The following ELAVL4 variants were observed in gnomAD, a reference collection of about 807,000 sequenced individuals.
ELAVL4 encodes ELAV like RNA binding protein 4.
ELAVL4 carries 1 observed loss-of-function variant against 35.6 expected under a neutral mutation model. The observed-to-expected ratio is 0.03, with a 90% confidence interval of 0.01 to 0.13. The LOEUF is 0.13. ELAVL4 is among the 10% of genes least tolerant of loss of function. ELAVL4 has a pLI of 1.00. For missense variants in ELAVL4, 267 were observed against 464.9 expected (o/e 0.57, Z 3.91); for synonymous variants, 156 against 171.0 (o/e 0.91, Z 0.69).
At chr1:50,050,152 G>C (rs1450488418) in intron 1 of ELAVL4, among the ~76,000 whole-genome samples, 1 of 152,188 alleles carries the variant, frequency 6.6e-6, no homozygotes, top group Non-Finnish European at 1.5e-5. Flanking sequence ...ATAGATACAT[G>C]GGGTTAATAC....
chr1:50,140,706 G>A (rs190454320), intron 1 of ELAVL4, among the ~76,000 whole-genome samples: 42 of 152,096 alleles, frequency 2.8e-4, no homozygotes, highest in Middle Eastern at 3.4e-3. Flanking sequence ...TCAGCTTTCA[G>A]ACAGCACACT....
intron 3 of ELAVL4, among the ~76,000 whole-genome samples, chr1:50,186,279 C>T (rs1243212045): frequency 6.6e-6 from 1 of 152,148 alleles, no homozygotes; most frequent in African/African-American, 2.4e-5. Context: ...TGATACATTT[C>T]ATTTCACTTG....
chr1:50,195,822 G>C (rs1296894066), intron 5 of ELAVL4, 36 bp downstream of exon 5: 1 of 1,611,088 alleles, frequency 6.2e-7, no homozygotes, highest in South Asian at 1.1e-5. Context: ...CCCTGCTACA[G>C]GGGTTCATAG....
chr1:50,129,867 T>G (rs151197306), intron 1 of ELAVL4, among the ~76,000 whole-genome samples: 1 of 152,192 alleles, frequency 6.6e-6, no homozygotes, highest in African/African-American at 2.4e-5. Context: ...AAAATGAACA[T>G]GTACTGAGTG....
At chr1:50,172,514 T>C (rs1215808423) in intron 2 of ELAVL4, among the ~76,000 whole-genome samples, 1 of 152,088 alleles carries the variant, frequency 6.6e-6, no homozygotes, top group African/African-American at 2.4e-5. Context: ...ATGGGCCAAA[T>C]TGGGCCACTA....
chr1:50,119,088 G>GAAAGAA (rs201392437), intron 1 of ELAVL4, among the ~76,000 whole-genome samples: 111 of 129,160 alleles, frequency 8.6e-4, no homozygotes, highest in Admixed American at 2.1e-3. Flanking sequence ...AAGAAAGAAA[G>GAAAGAA]AAAGAAAAAG....
chr1:50,066,722 A>T (rs1664281610), intron 1 of ELAVL4, among the ~76,000 whole-genome samples: 1 of 152,146 alleles, frequency 6.6e-6, no homozygotes, highest in East Asian at 1.9e-4. Flanking sequence ...TTTTGGATAC[A>T]CTGAAAATGG....
At chr1:50,089,636 T>A (rs1484051167) in intron 1 of ELAVL4, among the ~76,000 whole-genome samples, 1 of 152,152 alleles carries the variant, frequency 6.6e-6, no homozygotes, top group African/African-American at 2.4e-5. Context: ...GTGTCTGTGG[T>A]CCTGGCTACT....
intron 1 of ELAVL4, among the ~76,000 whole-genome samples, chr1:50,077,394 ACAGT>A (rs1664811476): frequency 6.6e-6 from 1 of 152,202 alleles, no homozygotes. Flanking sequence ...TCACCTTAAG[ACAGT>A]CAGGCAGGAG....
chr1:50,088,492 A>G (rs2148502911), intron 1 of ELAVL4, among the ~76,000 whole-genome samples: 1 of 152,312 alleles, frequency 6.6e-6, no homozygotes, highest in African/African-American at 2.4e-5. Flanking sequence ...AGAGGCTCTC[A>G]TCTTCCCCAC....
At position 50,166,698 on chromosome 1, in the gene ELAVL4, T is replaced by C. The variant is rs910206472; in HGVS notation, c.251-10391T>C. Among the ~76,000 whole-genome samples the C allele has an allele frequency of 3.9e-5, 6 of 152,310 alleles. No homozygotes were observed. The South Asian group carries it at 1.0e-3, about 26-fold the overall frequency. On this transcript the variant is annotated intron_variant, in intron 2 of 6. Transcript: ENST00000371824. ...TCCCATTGACCTTAATCACAGGGCG[T>C]GGTAATACTAAGAGACACCCTAATG...
At chr1:50,195,450 A>C (rs2148885210) in intron 4 of ELAVL4, 111 bp from the exon 5 acceptor site, 5 of 1,186,634 alleles carry the variant, frequency 4.2e-6, no homozygotes, top group Non-Finnish European at 6.1e-6. Flanking sequence ...CAGCCCTGGC[A>C]CCACAGGTGG....
Position 50,108,960 on chromosome 1 carries a change from A to G in ELAVL4, c.-230A>G, listed in dbSNP as rs1307311539. On this transcript the variant is annotated 5_prime_UTR_variant, in exon 1 of 7. Transcript: ENST00000371824. The stretch of plus-strand genomic sequence containing the variant: ...AGGCTCTGTTCAGTTGTTCTTATCT[A>G]CATCCTAGAATCGGGGGTTTCAGCT... The G allele has an allele frequency of 8.1e-7, 1 of 1,232,412 alleles. No homozygotes were observed. Among genetic ancestry groups the G allele is most frequent in the Non-Finnish European group, 1.0e-6 (1 of 986,900 alleles). The allele number at this position is 1,232,412 out of a possible 1,614,324, so 76.3% of individuals were successfully genotyped here.
chr1:50,192,590 C>T (rs1459114886), intron 3 of ELAVL4, among the ~76,000 whole-genome samples: 2 of 148,892 alleles, frequency 1.3e-5, no homozygotes, highest in Non-Finnish European at 3.0e-5. Flanking sequence ...CTTAATAGGT[C>T]TTATGAATCA....
At chr1:50,189,905 G>T (rs957982636) in intron 3 of ELAVL4, among the ~76,000 whole-genome samples, 16 of 152,218 alleles carry the variant, frequency 1.1e-4, no homozygotes, top group African/African-American at 3.9e-4. Context: ...CACAGTCAGG[G>T]ATCATAAGCA....
At chr1:50,175,438 A>G (rs943003209) in intron 2 of ELAVL4, 1 of 151,346 alleles carries the variant, frequency 6.6e-6, no homozygotes, top group African/African-American at 2.4e-5. Context: ...CTCACACACC[A>G]TACTTACACA....
upstream of ELAVL4, among the ~76,000 whole-genome samples, chr1:50,100,832 G>T (rs1010433017): frequency 1.3e-5 from 2 of 152,106 alleles, no homozygotes; most frequent in Non-Finnish European, 2.9e-5. Context: ...TGTTAGTTAT[G>T]ATTTTCTTGT....
At chr1:50,149,873 A>G (rs1233944103) in intron 2 of ELAVL4, among the ~76,000 whole-genome samples, 5 of 152,068 alleles carry the variant, frequency 3.3e-5, no homozygotes. Flanking sequence ...GACAGGACAG[A>G]CCAAACTGAA....
At chr1:50,197,382 T>C in intron 5 of ELAVL4, 47 bp from the exon 6 acceptor site, 2 of 1,542,916 alleles carry the variant, frequency 1.3e-6, no homozygotes, top group Non-Finnish European at 1.7e-6. Flanking sequence ...TTGAGCGATC[T>C]TGCCATCTGT....
Sources: allele counts gnomAD v4.1 joint callset (sites outside exome capture counted in the v4.1 genomes callset), GRCh38; gene constraint gnomAD v4.1.1; transcripts MANE v1.5; gene names NCBI Gene and HGNC (gene_info 2026-07-23, HGNC 2026-07-21).